CNTN3: variants seen among roughly 807,000 people sequenced by gnomAD.
The protein encoded by CNTN3 is contactin 3, also known as contactin-3.
CNTN3 carries 60 observed loss-of-function variants against 119.1 expected under a neutral mutation model. The ratio of observed to expected loss-of-function variants is 0.50; its 90% CI spans 0.41 to 0.62. The LOEUF (loss-of-function observed/expected upper bound fraction) is 0.62. Among genes scored for constraint, CNTN3 ranks in the 20% least tolerant of loss-of-function variants. The probability of loss-of-function intolerance (pLI) is 0.00; values close to 1 mark genes in which losing one functional copy is unlikely to be tolerated. For missense variants in CNTN3, 1,101 were observed against 1,242.4 expected, an observed-to-expected ratio of 0.89 and a Z score of 1.71; for synonymous variants, 450 against 438.7, an observed-to-expected ratio of 1.03 and a Z score of -0.32.
intron 4 of CNTN3, among the ~76,000 whole-genome samples, chr3:74,476,942 A>G (rs1271625544): frequency 1.3e-5 from 2 of 152,134 alleles, no homozygotes; most frequent in Non-Finnish European, 2.9e-5. Context: ...TAGAATAGAT[A>G]ACGAGAAGAT....
intron 5 of CNTN3, among the ~76,000 whole-genome samples, chr3:74,395,569 G>C (rs1276810132): frequency 6.6e-6 from 1 of 152,140 alleles, no homozygotes; most frequent in East Asian, 1.9e-4. Context: ...AGTCAACTCT[G>C]AAAAAGTTAT....
At chr3:74,536,997 AACAC>A (rs10663609) in intron 1 of CNTN3, among the ~76,000 whole-genome samples, 1 of 150,638 alleles carries the variant, frequency 6.6e-6, no homozygotes, top group East Asian at 2.0e-4. Flanking sequence ...TTTCATTTAA[AACAC>A]ACACACACAC....
chr3:74,319,441 G>A (rs979087915), intron 13 of CNTN3, among the ~76,000 whole-genome samples: 2 of 152,124 alleles, frequency 1.3e-5, no homozygotes, highest in Non-Finnish European at 2.9e-5. Context: ...AATAAATGGT[G>A]CTGGGAAAAC....
chr3:74,302,570 G>T (rs961083568), intron 14 of CNTN3, 120 bp downstream of exon 14: 12 of 652,522 alleles, frequency 1.8e-5, no homozygotes, highest in Admixed American at 4.8e-5. Context: ...GTCTATGAGG[G>T]GGGATGAAAT....
chr3:74,322,810 A>C (rs59516207), intron 13 of CNTN3, among the ~76,000 whole-genome samples: 28,747 of 152,182 alleles, frequency 0.19, 3,253 homozygotes, highest in East Asian at 0.49. Context: ...ATTATTCAGC[A>C]CTAAAATGAG....
intron 4 of CNTN3, among the ~76,000 whole-genome samples, chr3:74,460,112 T>C (rs1650620860): frequency 6.6e-6 from 1 of 152,048 alleles, no homozygotes; most frequent in Admixed American, 6.6e-5. Context: ...TTTTGTTCCT[T>C]GATCCATGTG....
At chr3:74,500,126 C>A (rs914481826) in intron 2 of CNTN3, among the ~76,000 whole-genome samples, 2 of 151,874 alleles carry the variant, frequency 1.3e-5, no homozygotes, top group Non-Finnish European at 2.9e-5. Context: ...GCCTTTTTGC[C>A]AAACTAAAGC....
At position 74,591,235 on chromosome 3, in the gene CNTN3, C is replaced by T. The variant is rs549303776; in HGVS notation, c.-81+23156G>A. ...TTACATATTCTATTTATTTCATGTCCGTACATAAAGGGGATGTTAGAAATT... is the reference window on the plus strand; with the variant it reads ...TTACATATTCTATTTATTTCATGTCTGTACATAAAGGGGATGTTAGAAATT... On this transcript the variant is annotated intron_variant, in intron 1 of 22. Transcript: ENST00000263665. Among the ~76,000 whole-genome samples, 6 of 151,690 alleles carry T rather than the reference C, an allele frequency of 4.0e-5. No individual in the cohort carries two copies. In the East Asian group the frequency reaches 7.8e-4, roughly 20 times the overall value.
chr3:74,507,421 GA>G (rs67370797), intron 2 of CNTN3, among the ~76,000 whole-genome samples: 4 of 139,130 alleles, frequency 2.9e-5, no homozygotes, highest in African/African-American at 5.3e-5. Flanking sequence ...CCATCTCTAA[GA>G]AAAAAAAAAA....
At chr3:74,564,475 T>C (rs1704198536) in intron 1 of CNTN3, among the ~76,000 whole-genome samples, 1 of 151,580 alleles carries the variant, frequency 6.6e-6, no homozygotes, top group Non-Finnish European at 1.5e-5. Flanking sequence ...TATGTGTGTT[T>C]GCTGCCCCAG....
At chr3:74,526,916 T>A (rs1192921644) in intron 1 of CNTN3, among the ~76,000 whole-genome samples, 1 of 151,846 alleles carries the variant, frequency 6.6e-6, no homozygotes, top group Non-Finnish European at 1.5e-5. Flanking sequence ...TAACCTTTCA[T>A]AGGTTAAGGT....
intron 4 of CNTN3, among the ~76,000 whole-genome samples, chr3:74,470,772 C>T (rs906495551): frequency 3.3e-5 from 5 of 152,196 alleles, no homozygotes; most frequent in African/African-American, 9.7e-5. Flanking sequence ...TGTTACCCCT[C>T]TCAAAAAATA....
intron 20 of CNTN3, among the ~76,000 whole-genome samples, chr3:74,279,115 G>A (rs571378272): frequency 1.3e-5 from 2 of 152,200 alleles, no homozygotes; most frequent in Admixed American, 1.3e-4. Context: ...AACAGTACAC[G>A]TTGGTGTGGA....
At chr3:74,518,023 AG>A (rs1368345495) in intron 2 of CNTN3, among the ~76,000 whole-genome samples, 2 of 152,008 alleles carry the variant, frequency 1.3e-5, no homozygotes, top group African/African-American at 4.8e-5. Flanking sequence ...CTTTATTTGC[AG>A]GAGTCAGTTA....
chr3:74,438,846 T>C (rs1383118372), intron 4 of CNTN3, among the ~76,000 whole-genome samples: 2 of 152,344 alleles, frequency 1.3e-5, no homozygotes, highest in East Asian at 1.9e-4. Context: ...TTCTATCAAT[T>C]ATAGCAATAT....
chr3:74,494,727 CTT>C (rs1395910209), intron 3 of CNTN3, among the ~76,000 whole-genome samples: 1 of 152,080 alleles, frequency 6.6e-6, no homozygotes, highest in Non-Finnish European at 1.5e-5. Context: ...CTTTATACCA[CTT>C]TGTTGATGCC....
At chr3:74,596,649 A>G (rs1482520902) in intron 1 of CNTN3, among the ~76,000 whole-genome samples, 1 of 152,142 alleles carries the variant, frequency 6.6e-6, no homozygotes, top group Non-Finnish European at 1.5e-5. Flanking sequence ...GAAAGCTGAA[A>G]CTGGATCCCT....
At chr3:74,576,264 C>T (rs1169373089) in intron 1 of CNTN3, among the ~76,000 whole-genome samples, 1 of 152,158 alleles carries the variant, frequency 6.6e-6, no homozygotes, top group Admixed American at 6.5e-5. Context: ...AATTATTTTG[C>T]CATACATATA....
chr3:74,577,627 G>A (rs146805346), intron 1 of CNTN3, among the ~76,000 whole-genome samples: 138 of 152,024 alleles, frequency 9.1e-4, no homozygotes, highest in African/African-American at 2.8e-3. Context: ...AGCCATATCC[G>A]TTCTTGATTA....
Sources: gnomAD v4.1 joint callset for allele counts (sites outside exome capture counted in the v4.1 genomes callset) on GRCh38, gnomAD v4.1.1 for gene constraint, MANE v1.5 for transcripts, NCBI Gene and HGNC (gene_info 2026-07-23, HGNC 2026-07-21) for gene names.